CDK13: variants seen among roughly 807,000 people sequenced by gnomAD.
CDK13 encodes cyclin-dependent kinase 13.
Under a neutral mutation model 137.6 loss-of-function variants are expected in CDK13, and 40 were observed. The observed-to-expected ratio is 0.29, with a 90% CI of 0.23 to 0.38. CDK13 has a LOEUF of 0.38. Ranked by LOEUF, CDK13 falls within the 10% of genes least tolerant of loss-of-function variation. The probability of loss-of-function intolerance (pLI) is 1.00; values close to 1 mark genes in which losing one functional copy is unlikely to be tolerated. For missense variants in CDK13, 1,704 were observed against 1,951.8 expected (o/e 0.87, Z 2.39); for synonymous variants, 869 against 760.1 (o/e 1.14, Z -2.36).
chr7:40,019,950 AT>A (rs1359301192), intron 5 of CDK13, among the ~76,000 whole-genome samples: 6 of 152,134 alleles, frequency 3.9e-5, no homozygotes, highest in African/African-American at 1.4e-4. Context: ...GAACTGAATG[AT>A]TTTTGCACTT....
intron 12 of CDK13, among the ~76,000 whole-genome samples, chr7:40,091,763 T>A (rs913305178): frequency 6.6e-6 from 1 of 152,186 alleles, no homozygotes; most frequent in African/African-American, 2.4e-5. Context: ...AAGAAGAACT[T>A]GCAGAAGTAT....
rs116892653 is a variant in CDK13 at position 40,007,211 on chromosome 7, C to G, written c.2353+5180C>G. On this transcript the variant is annotated intron_variant, in intron 5 of 13. Coordinates refer to ENST00000181839, the MANE Select transcript of CDK13 (RefSeq NM_003718.5). The stretch of plus-strand genomic sequence containing the variant: ...TGTTTTTATAATGAGGGAATTTGAG[C>G]ACTCTAGTGTGGAATTTTCCTAAAA... 6.2e-4 allele frequency among the ~76,000 whole-genome samples: 95 copies of G among 152,268 alleles called. 2 individuals carry two copies. In the East Asian group the frequency reaches 9.7e-3, roughly 15 times the overall value.
At chr7:39,959,831 C>T (rs564105219) in intron 1 of CDK13, among the ~76,000 whole-genome samples, 1 of 117,172 alleles carries the variant, frequency 8.5e-6, no homozygotes, top group South Asian at 3.3e-4. Context: ...TGTGTTATAG[C>T]TACTAACTTG....
At chr7:40,079,083 G>A (rs1786608100) in intron 11 of CDK13, among the ~76,000 whole-genome samples, 1 of 151,990 alleles carries the variant, frequency 6.6e-6, no homozygotes, top group Non-Finnish European at 1.5e-5. Context: ...CTAATTTTAG[G>A]CTTGATTGAC....
At chr7:39,957,090 CGTGTGTGTGTGTGTGTGT>C (rs70996865) in intron 1 of CDK13, among the ~76,000 whole-genome samples, 12 of 140,934 alleles carry the variant, frequency 8.5e-5, no homozygotes, top group South Asian at 2.4e-4. Flanking sequence ...ATCCCACTGT[CGTGTGTGTGTGTGTGTGT>C]GTGTGTGTGT....
chr7:39,978,170 C>T (rs1259094806), intron 1 of CDK13, among the ~76,000 whole-genome samples: 1 of 152,034 alleles, frequency 6.6e-6, no homozygotes, highest in Non-Finnish European at 1.5e-5. Flanking sequence ...ATAAATTAAA[C>T]TTGTGGGAGA....
chr7:39,992,679 C>T (rs777474857), intron 2 of CDK13, among the ~76,000 whole-genome samples: 1 of 151,822 alleles, frequency 6.6e-6, no homozygotes, highest in African/African-American at 2.4e-5. Flanking sequence ...CCCCCTACCC[C>T]CTGCCCCCAG....
At chr7:40,073,348 TTTTG>T (rs2150533233) in intron 9 of CDK13, among the ~76,000 whole-genome samples, 1 of 152,128 alleles carries the variant, frequency 6.6e-6, no homozygotes, top group East Asian at 1.9e-4. Context: ...ATTATTAAAT[TTTTG>T]TTTGTGGCCA....
chr7:40,098,934 C>G lies in CDK13; in HGVS notation c.*3954C>G, dbSNP rs1284397574. The G allele has an allele frequency of 6.6e-6, 1 of 151,946 alleles. No individual in the cohort carries two copies. Among genetic ancestry groups the G allele is most frequent in the Admixed American group, 6.6e-5 (1 of 15,246 alleles). 9.4% of individuals were successfully genotyped at this position (151,946 alleles called of 1,614,324 possible). On this transcript the variant is annotated 3_prime_UTR_variant, in exon 14 of 14. Coordinates refer to ENST00000181839, the MANE Select transcript of CDK13 (RefSeq NM_003718.5). ...GCTGTTTGTTTCATATATGGATAATCTTTGAAAAGGCAAGTCCTGTATGTA... is the reference window on the plus strand; with the variant it reads ...GCTGTTTGTTTCATATATGGATAATGTTTGAAAAGGCAAGTCCTGTATGTA...
chr7:40,079,914 G>T lies in CDK13; in HGVS notation c.3029+1063G>T, dbSNP rs140278061. 4.6e-3 allele frequency among the ~76,000 whole-genome samples: 693 copies of T among 152,222 alleles called. 8 individuals carry two copies. The highest frequency in any genetic ancestry group is 0.016 in the African/African-American group (663 of 41,520). On this transcript the variant is annotated intron_variant, in intron 11 of 13. Transcript: ENST00000181839. ...TCTCTAGGATTGATTTGGGGAGTAG[G>T]GGGGAAGGAAAACGTTCATTTGCAT...
At chr7:40,092,516 A>T in intron 12 of CDK13, 1 of 389,008 alleles carries the variant, frequency 2.6e-6, no homozygotes. Context: ...TTAAATCCAT[A>T]ACATGAGGTT....
intron 5 of CDK13, among the ~76,000 whole-genome samples, chr7:40,041,712 A>T (rs1462469597): frequency 6.6e-6 from 1 of 152,220 alleles, no homozygotes; most frequent in African/African-American, 2.4e-5. Flanking sequence ...TGTATATTTG[A>T]TAACTGACTT....
Position 40,041,587 on chromosome 7 carries a change from C to T in CDK13, c.2354-4249C>T, listed in dbSNP as rs537580092. Among the ~76,000 whole-genome samples, 9 of 152,290 alleles carry T rather than the reference C, an allele frequency of 5.9e-5. No individual in the cohort carries two copies. In the South Asian group the frequency reaches 1.9e-3, roughly 32 times the overall value. ...TCAAGAGCTCATTAGCCACATGTGG[C>T]TAGTGGCTAGTAGCTACTGTATTGG... On this transcript the variant is annotated intron_variant, in intron 5 of 13. Coordinates refer to ENST00000181839, the MANE Select transcript of CDK13 (RefSeq NM_003718.5).
rs1784589129 is a variant in CDK13, at chr7:39,997,481, C to G, written c.1872-13C>G. 6.3e-7 allele frequency: 1 copy of G among 1,582,864 alleles called. No homozygotes were observed. The highest frequency in any genetic ancestry group is 8.5e-7 in the Non-Finnish European group (1 of 1,172,102). The stretch of plus-strand genomic sequence containing the variant: ...AATTTTTGTTTTATTTGTCTGACTT[C>G]TTTCACTTTCAGCTTACGAGGAAAT... On this transcript the variant is annotated splice_polypyrimidine_tract_variant and intron_variant, in intron 2 of 13. Coordinates refer to ENST00000181839, the MANE Select transcript of CDK13 (RefSeq NM_003718.5).
At chr7:39,978,626 A>AATT (rs1443059160) in intron 1 of CDK13, among the ~76,000 whole-genome samples, 2 of 152,268 alleles carry the variant, frequency 1.3e-5, no homozygotes, top group Admixed American at 6.5e-5. Context: ...CACAATTAAT[A>AATT]GAGTAAGCCA....
At chr7:40,002,572 G>A (rs915327904) in intron 5 of CDK13, among the ~76,000 whole-genome samples, 1 of 152,104 alleles carries the variant, frequency 6.6e-6, no homozygotes, top group Non-Finnish European at 1.5e-5. Context: ...ATGGGTGAAA[G>A]CAGTGCTCTA....
rs200412973 is a variant in CDK13 at position 40,088,190 on chromosome 7, G to A, written c.3094G>A (p.Gly1032Ser). The A allele has an allele frequency of 5.6e-5, 91 of 1,613,828 alleles. 1 individual carries two copies. Among genetic ancestry groups the A allele is most frequent in the Admixed American group, 2.5e-4 (15 of 59,974 alleles). ...SKKRRRQKQM[G>S]MTDDVSTIKA... ...AAAGCGAAGAAGACAGAAGCAGATG[G>A]GCATGACTGATGATGTTTCCACAAT... Residue 1032 changes from glycine (G) to serine (S), a missense_variant, in exon 12 of 14, where the codon GGC (glycine) becomes AGC (serine). Coordinates refer to ENST00000181839, the MANE Select transcript of CDK13 (RefSeq NM_003718.5).
At chr7:40,057,604 C>T (rs1287936518) in intron 7 of CDK13, among the ~76,000 whole-genome samples, 4 of 152,152 alleles carry the variant, frequency 2.6e-5, no homozygotes, top group Admixed American at 2.0e-4. Flanking sequence ...TAGAGGGCAG[C>T]TATGAGTATC....
chr7:39,984,904 G>GCT (rs906855351), intron 1 of CDK13: 5 of 152,058 alleles, frequency 3.3e-5, no homozygotes, highest in Non-Finnish European at 7.3e-5. Context: ...AACCCAGGAG[G>GCT]CAGGATAATC....
Sources: gnomAD v4.1 joint callset for allele counts (sites outside exome capture counted in the v4.1 genomes callset) on GRCh38, gnomAD v4.1.1 for gene constraint, MANE v1.5 for transcripts, NCBI Gene and HGNC (gene_info 2026-07-23, HGNC 2026-07-21) for gene names.